The following AHRR variants were observed in gnomAD, a reference collection of about 807,000 sequenced individuals.
AHRR encodes ahR repressor.
In AHRR, 28 loss-of-function variants were observed where a neutral mutation model predicts 44.0. That is an observed-to-expected ratio of 0.64 (90% CI 0.47 to 0.87). The LOEUF is 0.87. AHRR is among the 40% of genes least tolerant of loss of function. The probability of loss-of-function intolerance (pLI) is 0.00; values close to 1 mark genes in which losing one functional copy is unlikely to be tolerated. For synonymous variants in AHRR, 434 were observed against 407.0 expected (o/e 1.07, Z -0.80); for missense variants, 990 against 953.9 (o/e 1.04, Z -0.50).
At chr5:353,613 T>C (rs1356072514) in intron 2 of AHRR, 117 bp from the exon 3 acceptor site, 5 of 939,234 alleles carry the variant, frequency 5.3e-6, no homozygotes, top group South Asian at 1.7e-5. Context: ...TCCCGTCTTT[T>C]GTCCTGGCAG....
rs1000550687 is a variant in AHRR at position 365,806 on chromosome 5, T to G, written c.245-10804T>G. 7.2e-5 allele frequency among the ~76,000 whole-genome samples: 11 copies of G among 152,174 alleles called. No individual in the cohort carries two copies. The South Asian group carries it at 1.2e-3, about 17-fold the overall frequency. Reference sequence around the variant, plus strand: ...GAAAATATAACTTATTAAAACTGACTCAAGAAGAAATAGAAAACCTGAATG... The same window carrying G: ...GAAAATATAACTTATTAAAACTGACGCAAGAAGAAATAGAAAACCTGAATG... On this transcript the variant is annotated intron_variant, in intron 3 of 10. Coordinates refer to ENST00000684583, the MANE Select transcript of AHRR (RefSeq NM_001377236.1).
At position 326,127 on chromosome 5, in the gene AHRR, T is replaced by G. The variant is rs1254440531; in HGVS notation, c.-11+4308T>G. 6.6e-6 allele frequency among the ~76,000 whole-genome samples: 1 copy of G among 152,180 alleles called. No homozygotes were observed. Among genetic ancestry groups the G allele is most frequent in the African/African-American group, 2.4e-5 (1 of 41,446 alleles). The stretch of plus-strand genomic sequence containing the variant: ...AGGCAAAATGCACATAACATCAAAC[T>G]AACCATTTAAAAGTGAACAGTTCAG... On this transcript the variant is annotated intron_variant, in intron 1 of 10. Coordinates refer to ENST00000684583, the MANE Select transcript of AHRR (RefSeq NM_001377236.1). This position sits in a 1 kb window ranked among gnomAD's most constrained non-coding sequence, Gnocchi z 4.1.
intron 5 of AHRR, among the ~76,000 whole-genome samples, chr5:421,589 C>T (rs1736123605): frequency 6.6e-6 from 1 of 152,210 alleles, no homozygotes; most frequent in African/African-American, 2.4e-5. Context: ...ATGGCAGAGC[C>T]GCGGAGGAGT....
Position 387,904 on chromosome 5 carries a change from G to C in AHRR, c.351+11188G>C, listed in dbSNP as rs1579651419. ...TGCAAGCGAGGTGTTGGCAGGACGG[G>C]CCCCTTGACAAAGGCTCTTGGGGAG... On this transcript the variant is annotated intron_variant, in intron 4 of 10. Coordinates refer to ENST00000684583, the MANE Select transcript of AHRR (RefSeq NM_001377236.1). This position sits in a 1 kb window ranked among gnomAD's most constrained non-coding sequence, Gnocchi z 5.1. 6.6e-6 allele frequency among the ~76,000 whole-genome samples: 1 copy of C among 152,324 alleles called. No homozygotes were observed. The highest frequency in any genetic ancestry group is 3.4e-3 in the Middle Eastern group (1 of 294).
At chr5:333,460 G>C (rs957105673) in intron 1 of AHRR, among the ~76,000 whole-genome samples, 36 of 152,250 alleles carry the variant, frequency 2.4e-4, no homozygotes, top group Middle Eastern at 3.4e-3. Context: ...GCCAGGAGTG[G>C]TGGTGGAGGG....
rs149045955 is a variant in AHRR at position 387,344 on chromosome 5, G to T, written c.351+10628G>T. On this transcript the variant is annotated intron_variant, in intron 4 of 10. Transcript: ENST00000684583. This position sits in a 1 kb window ranked among gnomAD's most constrained non-coding sequence, Gnocchi z 5.1. The stretch of plus-strand genomic sequence containing the variant: ...TGGGGTCATAGCTGCCATTCCTGCT[G>T]CATGGTTCTGTGCAAACAGGCTTGC... Among the ~76,000 whole-genome samples the T allele has an allele frequency of 4.2e-3, 636 of 152,342 alleles. 2 individuals carry two copies. Among genetic ancestry groups the T allele is most frequent in the Non-Finnish European group, 5.6e-3 (382 of 68,040 alleles).
At chr5:348,071 CAGGG>C (rs1742739030) in intron 2 of AHRR, among the ~76,000 whole-genome samples, 1 of 152,236 alleles carries the variant, frequency 6.6e-6, no homozygotes, top group Non-Finnish European at 1.5e-5. Context: ...GCACTGAGTG[CAGGG>C]GGCAGCTGAT....
At chr5:432,579 C>A in intron 9 of AHRR, 55 bp downstream of exon 9, 1 of 1,586,932 alleles carries the variant, frequency 6.3e-7, no homozygotes, top group Non-Finnish European at 8.7e-7. Flanking sequence ...TGTGTTTCTG[C>A]CCTTGGAGAG....
chr5:367,787 C>T lies in AHRR; in HGVS notation c.245-8823C>T, dbSNP rs977596890. ...GTGTGTTGCTGGGTTCTGTCCCCCT[C>T]CTTCTCTGTTGTATGCCCAGGACAG... On this transcript the variant is annotated intron_variant, in intron 3 of 10. Transcript: ENST00000684583. 4.3e-6 allele frequency: 3 copies of T among 699,188 alleles called. No homozygotes were observed. The African/African-American group carries it at 5.2e-5, about 12-fold the overall frequency. 43.3% of individuals were successfully genotyped at this position (699,188 alleles called of 1,614,324 possible).
intron 10 of AHRR, 89 bp downstream of exon 10, chr5:433,036 G>A: frequency 7.2e-6 from 10 of 1,379,374 alleles, no homozygotes; most frequent in South Asian, 3.0e-5. Context: ...TGATTAAGAA[G>A]AAAAATAAAA....
rs1362298585 is a variant in AHRR, at chr5:353,725, C to A, written c.63-5C>A. 1 of 1,604,452 alleles carries A rather than the reference C, an allele frequency of 6.2e-7. No homozygotes were observed. Among genetic ancestry groups the A allele is most frequent in the Non-Finnish European group, 8.5e-7 (1 of 1,177,328 alleles). ...GCCCACCTGACCCAGACCATCTCCC[C>A]ACAGGAGGCCCGCCGTGGGGGCAGA... On this transcript the variant is annotated splice_region_variant and splice_polypyrimidine_tract_variant and intron_variant, in intron 2 of 10. Coordinates refer to ENST00000684583, the MANE Select transcript of AHRR (RefSeq NM_001377236.1).
At chr5:415,342 C>CTGCT (rs1560915710) in intron 5 of AHRR, among the ~76,000 whole-genome samples, 1,536 of 122,896 alleles carry the variant, frequency 0.012, 9 homozygotes, top group Non-Finnish European at 0.018. Flanking sequence ...CCTGGTGGGG[C>CTGCT]GGGAGGCCTA....
At chr5:371,256 C>T (rs753541223) in intron 3 of AHRR, among the ~76,000 whole-genome samples, 3 of 152,188 alleles carry the variant, frequency 2.0e-5, no homozygotes, top group Non-Finnish European at 2.9e-5. Flanking sequence ...CAAATGGGAC[C>T]GCCATCTGGA....
At chr5:398,216 G>GTAGCCCCTGACCGTCCACA (rs1560907612) in intron 4 of AHRR, among the ~76,000 whole-genome samples, 2 of 72,830 alleles carry the variant, frequency 2.7e-5, no homozygotes, top group Non-Finnish European at 2.3e-5. Context: ...GACCATCCAC[G>GTAGCCCCTGACCGTCCACA]TAGCTCCTGA....
rs146142840 is a variant in AHRR, at chr5:407,831, C to A, written c.352-5513C>A. ...GGATTACAGGCGTGAGCCACTGAGCCCGGCCTTACTTGGGTTATTTTATCA... is the reference window on the plus strand; with the variant it reads ...GGATTACAGGCGTGAGCCACTGAGCACGGCCTTACTTGGGTTATTTTATCA... On this transcript the variant is annotated intron_variant, in intron 4 of 10. Coordinates refer to ENST00000684583, the MANE Select transcript of AHRR (RefSeq NM_001377236.1). Among the ~76,000 whole-genome samples, 686 of 152,356 alleles carry A rather than the reference C, an allele frequency of 4.5e-3. 7 individuals are homozygous for A. The highest frequency in any genetic ancestry group is 0.015 in the African/African-American group (613 of 41,582).
chr5:421,371 G>T, intron 5 of AHRR: 2 of 661,620 alleles, frequency 3.0e-6, no homozygotes, highest in Non-Finnish European at 5.5e-6. Context: ...TGGAGTCCGC[G>T]CACAGTACCA....
chr5:404,105 G>A lies in AHRR; in HGVS notation c.352-9239G>A. ...AAAGTCAGTTCCGTTGTCAGGGTTG[G>A]TCCAGGTTTGGGGTTACCCTTCTCC... On this transcript the variant is annotated intron_variant, in intron 4 of 10. Coordinates refer to ENST00000684583, the MANE Select transcript of AHRR (RefSeq NM_001377236.1). The surrounding 1 kb of genome is among the most constrained non-coding windows in gnomAD (Gnocchi z 4.1). 1 of 594,072 alleles carries A rather than the reference G, an allele frequency of 1.7e-6. No homozygotes were observed. Among genetic ancestry groups the A allele is most frequent in the Non-Finnish European group, 3.2e-6 (1 of 312,870 alleles). The allele number at this position is 594,072 out of a possible 1,614,324, so 36.8% of individuals were successfully genotyped here.
intron 8 of AHRR, 36 bp from the exon 9 acceptor site, chr5:432,427 C>G (rs200708881): frequency 6.3e-7 from 1 of 1,597,714 alleles, no homozygotes; most frequent in South Asian, 1.1e-5. Context: ...CTTGTTCATC[C>G]GTCACATGTC....
intron 3 of AHRR, among the ~76,000 whole-genome samples, chr5:373,766 C>T (rs1259975434): frequency 3.3e-5 from 5 of 151,458 alleles, no homozygotes; most frequent in African/African-American, 1.2e-4. Flanking sequence ...ACCCGGAGCG[C>T]CCGCGCGGAC....
Sources: allele counts gnomAD v4.1 joint callset (sites outside exome capture counted in the v4.1 genomes callset), GRCh38; gene constraint gnomAD v4.1.1; non-coding constraint Gnocchi (gnomAD v3.1); transcripts MANE v1.5; gene names NCBI Gene and HGNC (gene_info 2026-07-23, HGNC 2026-07-21).